LIAS: variants seen among roughly 807,000 people sequenced by gnomAD.
The protein encoded by LIAS is lipoyl synthase, mitochondrial.
LIAS carries 36 observed loss-of-function variants against 49.4 expected under a neutral mutation model. That is an observed-to-expected ratio of 0.73 (90% CI 0.56 to 0.96). LIAS has a LOEUF of 0.96. LIAS is among the 40% of genes least tolerant of loss of function. LIAS has a pLI of 0.00. For synonymous variants in LIAS, 145 were observed against 155.8 expected, an observed-to-expected ratio of 0.93 and a Z score of 0.52; for missense variants, 399 against 456.3, an observed-to-expected ratio of 0.87 and a Z score of 1.14.
In LIAS at chr4:39,460,952, A is replaced by C. The variant is rs761255298; in HGVS notation, c.208A>C (p.Lys70Gln). ...DEYKGNLKRQ[K>Q]GERLRLPPWL... is the part of the protein sequence containing the mutation. ...ATATAAAGGAAACCTAAAACGCCAG[A>C]AAGGAGAAAGGTAATTGAAAATTTG... Residue 70 changes from lysine to glutamine, a missense_variant, in exon 2 of 11, where the codon AAA becomes CAA. Coordinates refer to ENST00000640888, the MANE Select transcript of LIAS (RefSeq NM_006859.4). 6.3e-7 allele frequency: 1 copy of C among 1,586,450 alleles called. No homozygotes were observed. Among genetic ancestry groups the C allele is most frequent in the South Asian group, 1.2e-5 (1 of 85,206 alleles).
chr4:39,463,555 GGA>G lies in LIAS; in HGVS notation c.347_348del (p.Glu116ValfsTer19). ...TGAGGAAGCTCGATGTCCCAATATT[GGA>G]GAGTGTTGGGGAGGTGGAGAATATG... The part of the protein sequence containing the change: ...VCEEARCPNI[G>X]ECWGGGEYAT... On this transcript the variant is annotated frameshift_variant, in exon 4 of 11. Transcript: ENST00000640888. LOFTEE classifies it high-confidence loss of function. The G allele has an allele frequency of 6.2e-7, 1 of 1,611,234 alleles. No individual in the cohort carries two copies.
intron 10 of LIAS, 90 bp from the exon 11 acceptor site, chr4:39,476,973 G>A: frequency 1.2e-6 from 1 of 843,114 alleles, no homozygotes. Context: ...TTCTTTAAAG[G>A]GGGAACACCA....
intron 4 of LIAS, chr4:39,463,969 G>C (rs1032677923): frequency 1.2e-5 from 2 of 172,084 alleles, no homozygotes; most frequent in African/African-American, 4.8e-5. Context: ...ATAGAGACCT[G>C]TACATTGATC....
chr4:39,473,037 A>G, intron 9 of LIAS, 63 bp from the exon 10 acceptor site: 1 of 980,336 alleles, frequency 1.0e-6, no homozygotes, highest in Non-Finnish European at 1.6e-6. Flanking sequence ...ACATAGGTAT[A>G]GACTTTCTGC....
At chr4:39,474,601 A>AT (rs1291752073) in intron 10 of LIAS, among the ~76,000 whole-genome samples, 21 of 146,250 alleles carry the variant, frequency 1.4e-4, no homozygotes, top group Non-Finnish European at 2.4e-4. Context: ...TTTTATTATT[A>AT]TTATTTTTTT....
rs10024025 is a variant in LIAS at position 39,476,769 on chromosome 4, G to A, written c.1067-294G>A. ...ATGAGGGATAGATAGTGCACATAAA[G>A]TAGAATTAATGTGCAGACCCATATA... On this transcript the variant is annotated intron_variant, in intron 10 of 10. Coordinates refer to ENST00000640888, the MANE Select transcript of LIAS (RefSeq NM_006859.4). The A allele has an allele frequency of 0.15, 38,843 of 259,674 alleles. 3,364 individuals are homozygous for A. Among genetic ancestry groups the A allele is most frequent in the African/African-American group, 0.24 (10,597 of 44,076 alleles). 16.1% of individuals were successfully genotyped at this position (259,674 alleles called of 1,614,324 possible). A position where few individuals can be genotyped will look rare whatever the true frequency, so the allele number is the denominator to read the frequency against.
intron 6 of LIAS, 135 bp from the exon 7 acceptor site, chr4:39,467,383 G>C: frequency 1.4e-6 from 1 of 714,470 alleles, no homozygotes; most frequent in Non-Finnish European, 2.1e-6. Flanking sequence ...ACATCTGTAT[G>C]TTCATACTTT....
In LIAS at chr4:39,471,230, C is replaced by T. The variant is rs1010563019; in HGVS notation, c.884-6C>T. On this transcript the variant is annotated splice_polypyrimidine_tract_variant and splice_region_variant and intron_variant, in intron 8 of 10. Transcript: ENST00000640888. ...GCTAATGTAATTTGTGCTTTTCTTC[C>T]TACAGCACTTCGTGAGGCAGATGTA... is the stretch of plus-strand genomic sequence containing the variant. 1 of 1,604,764 alleles carries T rather than the reference C, an allele frequency of 6.2e-7. No homozygotes were observed. The highest frequency in any genetic ancestry group is 1.3e-5 in the African/African-American group (1 of 74,606).
intron 3 of LIAS, among the ~76,000 whole-genome samples, chr4:39,462,564 G>A (rs902031929): frequency 6.6e-6 from 1 of 152,058 alleles, no homozygotes; most frequent in Non-Finnish European, 1.5e-5. Flanking sequence ...TAAATATGAA[G>A]GTATGTCACA....
At chr4:39,473,840 T>C (rs947313552) in intron 10 of LIAS, 1 of 152,216 alleles carries the variant, frequency 6.6e-6, no homozygotes, top group African/African-American at 2.4e-5. Flanking sequence ...GAAAATCATT[T>C]TCCAAGGGAT....
chr4:39,476,143 CAT>C (rs959004494), intron 10 of LIAS: 2 of 152,078 alleles, frequency 1.3e-5, no homozygotes, highest in African/African-American at 4.8e-5. Flanking sequence ...AAATTTCTAA[CAT>C]AAAAGGAAGT....
chr4:39,464,581 C>T (rs1420334681), intron 4 of LIAS, among the ~76,000 whole-genome samples: 3 of 152,138 alleles, frequency 2.0e-5, no homozygotes, highest in Admixed American at 1.3e-4. Flanking sequence ...ACTGCAGCCT[C>T]GAACTCCTAG....
At position 39,471,517 on chromosome 4, in the gene LIAS, A is replaced by ATTTTTTTT. The variant is rs766866733; in HGVS notation, c.954+231_954+238dup. Among the ~76,000 whole-genome samples the ATTTTTTTT allele has an allele frequency of 2.3e-4, 17 of 74,350 alleles. 1 individual carries two copies. Among genetic ancestry groups the ATTTTTTTT allele is most frequent in the South Asian group, 6.3e-4 (1 of 1,576 alleles). 48.8% of individuals were successfully genotyped at this position (74,350 alleles called of 152,430 possible). A position where few individuals can be genotyped will look rare whatever the true frequency, so the allele number is the denominator to read the frequency against. ...TCCGGCTAAAATATACATATATATAATTTTTTTTTTTTTTTTTTTTTTTTT... is the reference window on the plus strand; with the variant it reads ...TCCGGCTAAAATATACATATATATAATTTTTTTTTTTTTTTTTTTTTTTTTTTTTTTTT... On this transcript the variant is annotated intron_variant, in intron 9 of 10. Transcript: ENST00000640888.
chr4:39,473,137 G>A lies in LIAS; in HGVS notation c.992G>A (p.Trp331Ter). 6.2e-7 allele frequency: 1 copy of A among 1,611,410 alleles called. No homozygotes were observed. The highest frequency in any genetic ancestry group is 8.5e-7 in the Non-Finnish European group (1 of 1,177,536). Reference protein sequence around the residue: ...EYITPEKFKYWEKVGNELGFH... With the variant: ...EYITPEKFKY ...ATTACTCCTGAAAAATTCAAATACTGGGAAAAAGTAGGAAATGAACTTGGA... is the reference window on the plus strand; with the variant it reads ...ATTACTCCTGAAAAATTCAAATACTAGGAAAAAGTAGGAAATGAACTTGGA... The change falls in exon 10 of 11, where the codon TGG becomes TAG. Residue 331 changes from tryptophan (W) to a stop codon, truncating the protein, a stop_gained. Transcript: ENST00000640888. LOFTEE classifies it high-confidence loss of function.
rs1157266620 is a variant in LIAS at position 39,477,286 on chromosome 4, T to C, written c.*171T>C. 4 of 542,950 alleles carry C rather than the reference T, an allele frequency of 7.4e-6. No homozygotes were observed. In the East Asian group the frequency reaches 1.1e-4, roughly 15 times the overall value. The allele number at this position is 542,950 out of a possible 1,614,324, so 33.6% of individuals were successfully genotyped here. ...GCTCACGCCTGTAATCCCAGCACTT[T>C]AGGAGGCCAAGGCGGGTGGATCACC... On this transcript the variant is annotated 3_prime_UTR_variant, in exon 11 of 11. Coordinates refer to ENST00000640888, the MANE Select transcript of LIAS (RefSeq NM_006859.4).
chr4:39,477,243 C>A lies in LIAS; in HGVS notation c.*128C>A. On this transcript the variant is annotated 3_prime_UTR_variant, in exon 11 of 11. Coordinates refer to ENST00000640888, the MANE Select transcript of LIAS (RefSeq NM_006859.4). ...CCTCTTTGCTTAAAAAAAAAAATGT[C>A]AATAGCCAGGCATAGTGGCTCACGC... 1 of 711,192 alleles carries A rather than the reference C, an allele frequency of 1.4e-6. No individual in the cohort carries two copies. Among genetic ancestry groups the A allele is most frequent in the Non-Finnish European group, 2.4e-6 (1 of 422,668 alleles). 44.1% of individuals were successfully genotyped at this position (711,192 alleles called of 1,614,324 possible). A position where few individuals can be genotyped will look rare whatever the true frequency, so the allele number is the denominator to read the frequency against.
chr4:39,459,719 A>G (rs1744347817), intron 1 of LIAS, among the ~76,000 whole-genome samples: 1 of 152,240 alleles, frequency 6.6e-6, no homozygotes, highest in Non-Finnish European at 1.5e-5. Flanking sequence ...CTTGACTGCC[A>G]CGTTCAAACA....
chr4:39,464,458 C>G (rs1275004384), intron 4 of LIAS, among the ~76,000 whole-genome samples: 1 of 152,044 alleles, frequency 6.6e-6, no homozygotes, highest in African/African-American at 2.4e-5. Context: ...CCCTCTGTAC[C>G]CCCTAAACTG....
At chr4:39,461,988 C>T (rs903472603) in intron 2 of LIAS, among the ~76,000 whole-genome samples, 7 of 152,240 alleles carry the variant, frequency 4.6e-5, no homozygotes, top group South Asian at 4.1e-4. Flanking sequence ...CCACCACATC[C>T]GGCCATTATT....
Sources: gnomAD v4.1 joint callset for allele counts (sites outside exome capture counted in the v4.1 genomes callset) on GRCh38, gnomAD v4.1.1 for gene constraint, MANE v1.5 for transcripts, NCBI Gene and HGNC (gene_info 2026-07-23, HGNC 2026-07-21) for gene names.